The following STXBP5 variants were observed in gnomAD, a reference collection of about 807,000 sequenced individuals.
STXBP5 encodes syntaxin-binding protein 5.
Under a neutral mutation model 152.4 loss-of-function variants are expected in STXBP5, and 50 were observed. The ratio of observed to expected loss-of-function variants is 0.33; its 90% CI spans 0.26 to 0.42. STXBP5 has a LOEUF of 0.42. Among genes scored for constraint, STXBP5 ranks in the 10% least tolerant of loss-of-function variants. STXBP5 has a pLI of 1.00. For missense variants in STXBP5, 1,167 were observed against 1,388.6 expected, an observed-to-expected ratio of 0.84 and a Z score of 2.54; for synonymous variants, 492 against 494.7, an observed-to-expected ratio of 0.99 and a Z score of 0.07.
intron 10 of STXBP5, 80 bp from the exon 11 acceptor site, chr6:147,311,375 A>C: frequency 8.4e-7 from 1 of 1,196,004 alleles, no homozygotes; most frequent in Non-Finnish European, 1.2e-6. Flanking sequence ...AAACTAAATA[A>C]AATCAAGCAA....
chr6:147,376,878 TA>T (rs1408353848), intron 26 of STXBP5, among the ~76,000 whole-genome samples: 14 of 151,972 alleles, frequency 9.2e-5, no homozygotes, highest in African/African-American at 3.4e-4. Flanking sequence ...ATATAAAACA[TA>T]AGGACACAAA....
At chr6:147,331,804 T>TAAAAAAAA (rs1562250948) in intron 18 of STXBP5, among the ~76,000 whole-genome samples, 1 of 110,390 alleles carries the variant, frequency 9.1e-6, no homozygotes, top group African/African-American at 3.4e-5. Flanking sequence ...TTTCTACCAG[T>TAAAAAAAA]TAAAAAAAAA....
chr6:147,357,614 C>CT (rs906019487), intron 22 of STXBP5, among the ~76,000 whole-genome samples: 4 of 152,072 alleles, frequency 2.6e-5, no homozygotes, highest in Admixed American at 2.6e-4. Flanking sequence ...TGGGAATTGT[C>CT]TAAGTAAATG....
At position 147,315,447 on chromosome 6, in the gene STXBP5, G is replaced by A. The variant is rs893270320; in HGVS notation, c.1403-68G>A. The A allele has an allele frequency of 8.4e-6, 9 of 1,077,342 alleles. No individual in the cohort carries two copies. The African/African-American group carries it at 1.4e-4, about 17-fold the overall frequency. The allele number at this position is 1,077,342 out of a possible 1,614,324, so 66.7% of individuals were successfully genotyped here. Reference sequence around the variant, plus strand: ...ACCATTTTCTATACATAGTATGAGTGATTAAATGTTACCTTATGTTTGATC... The same window carrying A: ...ACCATTTTCTATACATAGTATGAGTAATTAAATGTTACCTTATGTTTGATC... On this transcript the variant is annotated intron_variant, in intron 14 of 27. Transcript: ENST00000321680.
At chr6:147,281,662 A>G (rs1218479884) in intron 8 of STXBP5, among the ~76,000 whole-genome samples, 1 of 152,202 alleles carries the variant, frequency 6.6e-6, no homozygotes, top group Non-Finnish European at 1.5e-5. Flanking sequence ...TAGTCTTAAA[A>G]AACATTTACA....
In STXBP5 at chr6:147,239,188, T is replaced by A; in HGVS notation, c.349T>A (p.Leu117Met). 1 of 1,613,366 alleles carries A rather than the reference T, an allele frequency of 6.2e-7. No individual in the cohort carries two copies. The highest frequency in any genetic ancestry group is 8.5e-7 in the Non-Finnish European group (1 of 1,179,576). The change falls in exon 4 of 28, where the codon TTG (leucine) becomes ATG (methionine). Residue 117 changes from leucine (L) to methionine (M), a missense_variant. Physicochemically the swap from Leu to Met is conservative, Grantham distance 15. Transcript: ENST00000321680. ...LINEGALVSA[L>M]ADDTLHLWNL... Reference sequence around the variant, plus strand: ...TTTTAAGGGAGCGCTTGTGAGTGCCTTGGCTGATGACACCTTACACTTATG... The same window carrying A: ...TTTTAAGGGAGCGCTTGTGAGTGCCATGGCTGATGACACCTTACACTTATG...
rs139910011 is a variant in STXBP5 at position 147,291,371 on chromosome 6, G to A, written c.917+199G>A. Among the ~76,000 whole-genome samples, 727 of 152,066 alleles carry A rather than the reference G, an allele frequency of 4.8e-3. 4 individuals carry two copies. The highest frequency in any genetic ancestry group is 8.4e-3 in the Non-Finnish European group (570 of 67,956). On this transcript the variant is annotated intron_variant, in intron 9 of 27. Coordinates refer to ENST00000321680, the MANE Select transcript of STXBP5 (RefSeq NM_001127715.4). The stretch of plus-strand genomic sequence containing the variant: ...CTTTTTTGTGTTCTTGTCTTTAGTA[G>A]TTTTACACATTATCTTGGAAAGTTT...
intron 7 of STXBP5, among the ~76,000 whole-genome samples, chr6:147,272,908 T>A (rs1780246554): frequency 6.6e-6 from 1 of 152,134 alleles, no homozygotes; most frequent in Non-Finnish European, 1.5e-5. Context: ...TCTACTCTAC[T>A]CTCCCCTGGT....
intron 9 of STXBP5, among the ~76,000 whole-genome samples, chr6:147,307,674 TA>T (rs1206984113): frequency 6.6e-6 from 1 of 152,198 alleles, no homozygotes; most frequent in African/African-American, 2.4e-5. Context: ...CAGACAATTT[TA>T]AAGAGACAGC....
At chr6:147,330,402 A>G (rs954580203) in intron 18 of STXBP5, among the ~76,000 whole-genome samples, 1 of 152,306 alleles carries the variant, frequency 6.6e-6, no homozygotes, top group African/African-American at 2.4e-5. Context: ...AGCTATTATT[A>G]TAATAAAGAG....
chr6:147,338,338 G>A (rs1428176807), intron 19 of STXBP5, among the ~76,000 whole-genome samples: 2 of 151,970 alleles, frequency 1.3e-5, no homozygotes, highest in African/African-American at 4.8e-5. Context: ...AACATTAAGG[G>A]AACTCAAAGG....
rs778222063 is a variant in STXBP5, at chr6:147,239,121, T to C, written c.331-49T>C. The C allele has an allele frequency of 7.2e-6, 11 of 1,521,592 alleles. No individual in the cohort carries two copies. The East Asian group carries it at 2.3e-4, about 32-fold the overall frequency. The allele number at this position is 1,521,592 out of a possible 1,614,324, so 94.3% of individuals were successfully genotyped here. A position where few individuals can be genotyped will look rare whatever the true frequency, so the allele number is the denominator to read the frequency against. On this transcript the variant is annotated intron_variant, in intron 3 of 27. Transcript: ENST00000321680. Reference sequence around the variant, plus strand: ...TCTGGCAGCTATTGAGTAGACTTCATGTTTATAAAATATATTATACATGAA... The same window carrying C: ...TCTGGCAGCTATTGAGTAGACTTCACGTTTATAAAATATATTATACATGAA...
rs759522486 is a variant in STXBP5, at chr6:147,334,148, G to C, written c.2081-9G>C. On this transcript the variant is annotated splice_polypyrimidine_tract_variant and intron_variant, in intron 18 of 27. Transcript: ENST00000321680. ...ATGGGTTGATTTGTTTTTTGTTTTTGTTTTGTAGCCGGTCTGTGTGATATT... is the reference window on the plus strand; with the variant it reads ...ATGGGTTGATTTGTTTTTTGTTTTTCTTTTGTAGCCGGTCTGTGTGATATT... 4 of 1,610,384 alleles carry C rather than the reference G, an allele frequency of 2.5e-6. No individual in the cohort carries two copies. The highest frequency in any genetic ancestry group is 3.4e-6 in the Non-Finnish European group (4 of 1,178,764).
At chr6:147,327,414 A>G (rs1783320932) in intron 18 of STXBP5, 138 bp downstream of exon 18, 8 of 1,052,138 alleles carry the variant, frequency 7.6e-6, no homozygotes, top group East Asian at 2.8e-5. Context: ...AAAACTAGCA[A>G]AAGTTGTGAG....
chr6:147,315,809 G>A (rs1272381981), intron 15 of STXBP5, 74 bp downstream of exon 15: 1 of 1,399,802 alleles, frequency 7.1e-7, no homozygotes, highest in African/African-American at 1.4e-5. Context: ...TGATTTGGAA[G>A]ACTTTTTGCA....
At chr6:147,311,622 T>A in intron 11 of STXBP5, 95 bp downstream of exon 11, 1 of 921,688 alleles carries the variant, frequency 1.1e-6, no homozygotes, top group Non-Finnish European at 1.7e-6. Context: ...CTTTGAAAAC[T>A]CTACATTTAT....
chr6:147,361,444 G>T (rs1785060532), intron 23 of STXBP5, among the ~76,000 whole-genome samples: 1 of 152,138 alleles, frequency 6.6e-6, no homozygotes, highest in Admixed American at 6.5e-5. Context: ...GAATCCTTGA[G>T]GTTTGTTTTT....
intron 3 of STXBP5, among the ~76,000 whole-genome samples, chr6:147,236,778 C>CTTTT (rs796882567): frequency 7.4e-6 from 1 of 135,886 alleles, no homozygotes; most frequent in African/African-American, 2.7e-5. Context: ...CCTGTTCTGT[C>CTTTT]TTTTTTTTTT....
At chr6:147,228,427 G>A (rs890878224) in intron 2 of STXBP5, among the ~76,000 whole-genome samples, 9 of 151,756 alleles carry the variant, frequency 5.9e-5, no homozygotes, top group African/African-American at 1.7e-4. Flanking sequence ...GAAGTCTGTA[G>A]GAAGCCTTAA....
Sources: gnomAD v4.1 joint callset for allele counts (sites outside exome capture counted in the v4.1 genomes callset) on GRCh38, gnomAD v4.1.1 for gene constraint, MANE v1.5 for transcripts, NCBI Gene and HGNC (gene_info 2026-07-23, HGNC 2026-07-21) for gene names.